Variants in CSRNP1 observed in about 807,000 individuals in gnomAD.
CSRNP1 encodes cysteine and serine rich nuclear protein 1, also known as cysteine/serine-rich nuclear protein 1.
A neutral mutation model predicts 25.0 loss-of-function variants in CSRNP1; 8 were observed. The ratio of observed to expected loss-of-function variants is 0.32; its 90% CI spans 0.19 to 0.58. The LOEUF (loss-of-function observed/expected upper bound fraction) is 0.58. CSRNP1 is among the 20% of genes least tolerant of loss of function. CSRNP1 has a pLI of 0.88. For synonymous variants in CSRNP1, 305 were observed against 303.1 expected, an observed-to-expected ratio of 1.01 and a Z score of -0.06; for missense variants, 691 against 773.1, an observed-to-expected ratio of 0.89 and a Z score of 1.26.
rs62635819 is a variant in CSRNP1 at position 39,143,601 on chromosome 3, T to C, written c.1224A>G (p.Glu408=). 3.9e-3 allele frequency: 6,220 copies of C among 1,613,780 alleles called. 181 individuals carry two copies. The African/African-American group carries it at 0.069, about 18-fold the overall frequency. The change falls in exon 5 of 5, where the codon GAA becomes GAG. Residue 408 remains glutamate, a synonymous_variant. Transcript: ENST00000273153. ...SDSDFGGEEE[E]EEEGSVGNLD... The stretch of plus-strand genomic sequence containing the variant: ...GGTTCCCCACGCTCCCTTCCTCCTC[T>C]TCCTCCTCCTCCCCACCGAAGTCAG...
chr3:39,149,235 A>G (rs943277839), intron 1 of CSRNP1: 1 of 152,132 alleles, frequency 6.6e-6, no homozygotes, highest in African/African-American at 2.4e-5. Flanking sequence ...TCAAAAAAAA[A>G]GGCAGAACTA....
intron 3 of CSRNP1, 71 bp from the exon 4 acceptor site, chr3:39,144,522 C>A: frequency 2.1e-6 from 3 of 1,436,352 alleles, no homozygotes; most frequent in East Asian, 4.8e-5. Context: ...TGTCACTAGA[C>A]AAACCCTCCC....
Position 39,146,629 on chromosome 3 carries a change from CGAG to C in CSRNP1, c.51_53del (p.Ser18del), listed in dbSNP as rs773318909. 1.3e-6 allele frequency: 2 copies of C among 1,572,216 alleles called. No homozygotes were observed. Among genetic ancestry groups the C allele is most frequent in the African/African-American group, 1.4e-5 (1 of 73,738 alleles). The stretch of plus-strand genomic sequence containing the variant: ...CAGAGGAAGAGGAGGAGGAGGAGAC[CGAG>C]GAGTTGTCCTCATCCAGCTGGTCAA... On this transcript the variant is annotated inframe_deletion, in exon 2 of 5. Coordinates refer to ENST00000273153, the MANE Select transcript of CSRNP1 (RefSeq NM_033027.4).
chr3:39,144,707 T>C (rs2039480259), intron 3 of CSRNP1, among the ~76,000 whole-genome samples: 2 of 151,566 alleles, frequency 1.3e-5, no homozygotes, highest in African/African-American at 4.9e-5. Context: ...ACCAGACAGA[T>C]ACGCACCCCC....
chr3:39,144,878 G>T, intron 3 of CSRNP1, 119 bp downstream of exon 3: 1 of 1,241,764 alleles, frequency 8.1e-7, no homozygotes, highest in Non-Finnish European at 1.1e-6. Flanking sequence ...AGGCCCACAG[G>T]CCTGTTTCCC....
chr3:39,142,914 T>C lies in CSRNP1; in HGVS notation c.*141A>G, dbSNP rs2125884128. 3 of 930,388 alleles carry C rather than the reference T, an allele frequency of 3.2e-6. No homozygotes were observed. Among genetic ancestry groups the C allele is most frequent in the East Asian group, 2.5e-5 (1 of 39,948 alleles). The allele number at this position is 930,388 out of a possible 1,614,324, so 57.6% of individuals were successfully genotyped here. ...AAAACAAATAAATAAATCCAGAGAA[T>C]TGTTTGAAAACCAGGAGTGTGCACA... On this transcript the variant is annotated 3_prime_UTR_variant, in exon 5 of 5. Coordinates refer to ENST00000273153, the MANE Select transcript of CSRNP1 (RefSeq NM_033027.4).
chr3:39,143,816 G>A lies in CSRNP1; in HGVS notation c.1009C>T (p.Pro337Ser). 6.2e-7 allele frequency: 1 copy of A among 1,614,236 alleles called. No individual in the cohort carries two copies. Among genetic ancestry groups the A allele is most frequent in the Non-Finnish European group, 8.5e-7 (1 of 1,180,026 alleles). ...ALVPTFPLAK[P>S]PMNNELGDNS... ...TCTCCCAGCTCATTGTTCATGGGGG[G>A]CTTGGCCAGTGGGAAAGTAGGGACC... The change falls in exon 5 of 5, where the codon CCC becomes TCC. Residue 337 changes from proline to serine, a missense_variant. Pro to Ser is a moderately conservative substitution (Grantham distance 74). Transcript: ENST00000273153.
At chr3:39,144,092 G>C (rs2039465452) in intron 4 of CSRNP1, 45 bp downstream of exon 4, 1 of 1,605,936 alleles carries the variant, frequency 6.2e-7, no homozygotes, top group African/African-American at 1.3e-5. Flanking sequence ...GGAGTGCAAA[G>C]AAGTCCCCAC....
Position 39,145,022 on chromosome 3 carries a change from T to G in CSRNP1, c.440A>C (p.Glu147Ala). Residue 147 changes from glutamate to alanine, a missense_variant, in exon 3 of 5, where the codon GAG (glutamate) becomes GCG (alanine). Coordinates refer to ENST00000273153, the MANE Select transcript of CSRNP1 (RefSeq NM_033027.4). ...CTTCCACTGCAGCATCTCCAACTTC[T>G]CCTCTTTCAAGCGCTGGCGGAGCTT... ...HEKLRQRLKE[E>A]KLEMLQWKLS... 1 of 1,611,778 alleles carries G rather than the reference T, an allele frequency of 6.2e-7. No homozygotes were observed. The highest frequency in any genetic ancestry group is 1.1e-5 in the South Asian group (1 of 90,998).
upstream of CSRNP1, chr3:39,153,844 A>C (rs1227655441): frequency 2.6e-5 from 4 of 151,382 alleles, no homozygotes; most frequent in African/African-American, 9.7e-5. Flanking sequence ...CCCCGCTTCC[A>C]GCACGGTCCC....
chr3:39,143,612 C>T lies in CSRNP1; in HGVS notation c.1213G>A (p.Glu405Lys). 1 of 1,614,190 alleles carries T rather than the reference C, an allele frequency of 6.2e-7. No homozygotes were observed. The highest frequency in any genetic ancestry group is 2.2e-5 in the East Asian group (1 of 44,880). The change falls in exon 5 of 5, where the codon GAG becomes AAG. Residue 405 changes from glutamate (E) to lysine (K), a missense_variant. By Grantham distance (56) the Glu-to-Lys change is moderately conservative (BLOSUM62 1). Coordinates refer to ENST00000273153, the MANE Select transcript of CSRNP1 (RefSeq NM_033027.4). ...CTCCCTTCCTCCTCTTCCTCCTCCTCCCCACCGAAGTCAGAGTCACTGAAA... is the reference window on the plus strand; with the variant it reads ...CTCCCTTCCTCCTCTTCCTCCTCCTTCCCACCGAAGTCAGAGTCACTGAAA... ...LSFSDSDFGG[E>K]EEEEEEGSVG... is the part of the protein sequence containing the mutation.
chr3:39,150,206 T>C (rs1045446437), intron 1 of CSRNP1: 1 of 152,246 alleles, frequency 6.6e-6, no homozygotes, highest in East Asian at 1.9e-4. Context: ...CTTTCCATTA[T>C]AGCAGCCCAA....
chr3:39,145,018 C>T lies in CSRNP1; in HGVS notation c.444G>A (p.Lys148=), dbSNP rs2039485126. 1 of 1,611,396 alleles carries T rather than the reference C, an allele frequency of 6.2e-7. No individual in the cohort carries two copies. The highest frequency in any genetic ancestry group is 2.2e-5 in the East Asian group (1 of 44,810). The change falls in exon 3 of 5, where the codon AAG becomes AAA. Residue 148 remains lysine (K), a synonymous_variant. Coordinates refer to ENST00000273153, the MANE Select transcript of CSRNP1 (RefSeq NM_033027.4). ...EKLRQRLKEE[K]LEMLQWKLSA... Reference sequence around the variant, plus strand: ...CTACCTTCCACTGCAGCATCTCCAACTTCTCCTCTTTCAAGCGCTGGCGGA... The same window carrying T: ...CTACCTTCCACTGCAGCATCTCCAATTTCTCCTCTTTCAAGCGCTGGCGGA...
intron 3 of CSRNP1, 80 bp downstream of exon 3, chr3:39,144,917 A>C: frequency 4.6e-5 from 62 of 1,362,592 alleles, no homozygotes; most frequent in Non-Finnish European, 5.5e-5. Context: ...GTCAGCACCC[A>C]CCCCTGGTAC....
intron 1 of CSRNP1, among the ~76,000 whole-genome samples, chr3:39,147,657 T>G (rs2039533680): frequency 1.3e-5 from 2 of 151,958 alleles, no homozygotes; most frequent in South Asian, 4.1e-4. Flanking sequence ...GTCTCCCAAG[T>G]GAGAGTCTCA....
chr3:39,144,349 C>T lies in CSRNP1; in HGVS notation c.568G>A (p.Gly190Ser). ...AAGCTCACTTCTTCCAACCGGCCAC[C>T]TGCCACAGCGACTGCCAAGTCCTCC... ...VEEDLAVAVA[G>S]GRLEEVSFLQ... Residue 190 changes from glycine to serine, a missense_variant, in exon 4 of 5, where the codon GGT becomes AGT. By Grantham distance (56) the Gly-to-Ser change is moderately conservative. Coordinates refer to ENST00000273153, the MANE Select transcript of CSRNP1 (RefSeq NM_033027.4). The T allele has an allele frequency of 1.9e-6, 3 of 1,614,168 alleles. No homozygotes were observed. Among genetic ancestry groups the T allele is most frequent in the Non-Finnish European group, 2.5e-6 (3 of 1,180,046 alleles).
chr3:39,147,951 T>C (rs1317283005), intron 1 of CSRNP1, among the ~76,000 whole-genome samples: 1 of 152,064 alleles, frequency 6.6e-6, no homozygotes, highest in African/African-American at 2.4e-5. Context: ...TCACAGGAAA[T>C]GAGAGAGAAC....
At position 39,146,538 on chromosome 3, in the gene CSRNP1, C is replaced by T; in HGVS notation, c.145G>A (p.Gly49Ser). Residue 49 changes from glycine (G) to serine (S), a missense_variant, in exon 2 of 5, where the codon GGC becomes AGC. Transcript: ENST00000273153. ...VSRAWDSEEEGPWDQMPLPDR... is the reference protein window; with the variant it reads ...VSRAWDSEEESPWDQMPLPDR... ...GGCAGGGGCATCTGATCCCAGGGGC[C>T]TTCCTCCTCTGAGTCCCAGGCACGG... The T allele has an allele frequency of 6.4e-7, 1 of 1,551,736 alleles. No individual in the cohort carries two copies.
In CSRNP1 at chr3:39,143,203, CCAG is replaced by C; in HGVS notation, c.1619_1621del (p.Pro540_Gly541delinsArg). On this transcript the variant is annotated inframe_deletion, in exon 5 of 5. Coordinates refer to ENST00000273153, the MANE Select transcript of CSRNP1 (RefSeq NM_033027.4). ...GCTGGCATCCCCAGGTGGAGACAGGCCAGGCAGGGGGAAGTGAGGTGCCTCGAT... is the reference window on the plus strand; with the variant it reads ...GCTGGCATCCCCAGGTGGAGACAGGCGCAGGGGGAAGTGAGGTGCCTCGAT... 6.2e-7 allele frequency: 1 copy of C among 1,614,198 alleles called. No homozygotes were observed. The highest frequency in any genetic ancestry group is 8.5e-7 in the Non-Finnish European group (1 of 1,180,038).
Sources: allele counts gnomAD v4.1 joint callset (sites outside exome capture counted in the v4.1 genomes callset), GRCh38; gene constraint gnomAD v4.1.1; transcripts MANE v1.5; gene names NCBI Gene and HGNC (gene_info 2026-07-23, HGNC 2026-07-21).